EPG5: variants seen among roughly 807,000 people sequenced by gnomAD.
EPG5 encodes the protein ectopic P granules protein 5 homolog.
Under a neutral mutation model 302.7 loss-of-function variants are expected in EPG5, and 159 were observed. The observed-to-expected ratio is 0.53, with a 90% CI of 0.46 to 0.60. The LOEUF (loss-of-function observed/expected upper bound fraction) is 0.60. EPG5 is among the 20% of genes least tolerant of loss of function. The pLI, the probability that EPG5 is intolerant of heterozygous loss-of-function variation, is 0.00. For missense variants in EPG5, 2,896 were observed against 3,092.4 expected (o/e 0.94, Z 1.51); for synonymous variants, 1,158 against 1,136.8 (o/e 1.02, Z -0.37).
At chr18:45,837,611 C>T in the EPG5 span, 2 of 1,509,854 alleles carry the variant, frequency 1.3e-6, no homozygotes, top group Non-Finnish European at 8.8e-7. Context: ...GCACCCGCAC[C>T]GCCACTACGA....
intron 27 of EPG5, among the ~76,000 whole-genome samples, chr18:45,891,723 G>A (rs2145507471): frequency 6.6e-6 from 1 of 152,138 alleles, no homozygotes. Flanking sequence ...ATGCACAAAA[G>A]TGAATATTCT....
chr18:45,883,440 C>T lies in EPG5; in HGVS notation c.5305-953G>A, dbSNP rs535130192. On this transcript the variant is annotated intron_variant, in intron 30 of 43. Transcript: ENST00000282041. ...TTATAGGCTGAGATCAATCTGTAGG[C>T]CCTAAAATTGTCAAGGTTGTCTTTT... Among the ~76,000 whole-genome samples the T allele has an allele frequency of 9.9e-5, 15 of 150,860 alleles. No homozygotes were observed. In the East Asian group the frequency reaches 2.7e-3, roughly 27 times the overall value.
rs2050790943 is a variant in EPG5 at position 45,946,746 on chromosome 18, G to A, written c.1594C>T (p.His532Tyr). Residue 532 changes from histidine to tyrosine, a missense_variant, in exon 7 of 44, where the codon CAC becomes TAC. Physicochemically the swap from His to Tyr is moderately conservative, Grantham distance 83. Around this residue, in one of 5 missense-constraint regions of EPG5, gnomAD observed 1,390 missense variants for 1,430.0 expected, o/e 0.97. Coordinates refer to ENST00000282041, the MANE Select transcript of EPG5 (RefSeq NM_020964.3). ...PVKNRAEFMC[H>Y]MKPSERKPSS... Reference sequence around the variant, plus strand: ...GGCTTCCGCTCGCTGGGCTTCATGTGGCACATAAACTCAGCTCGATTTCTA... The same window carrying A: ...GGCTTCCGCTCGCTGGGCTTCATGTAGCACATAAACTCAGCTCGATTTCTA... The A allele has an allele frequency of 9.9e-6, 16 of 1,613,964 alleles. No homozygotes were observed. The African/African-American group carries it at 1.7e-4, about 18-fold the overall frequency.
chr18:45,806,304 T>C, the EPG5 span, among the ~76,000 whole-genome samples: 130 of 152,102 alleles, frequency 8.5e-4, no homozygotes, highest in African/African-American at 3.1e-3. Context: ...ATGAAAACAG[T>C]GTAAAAGAAT....
chr18:45,927,853 C>G (rs1161667291), intron 13 of EPG5, among the ~76,000 whole-genome samples: 1 of 151,946 alleles, frequency 6.6e-6, no homozygotes, highest in Admixed American at 6.6e-5. Context: ...GTGCTTAGGA[C>G]CCCAACCTAA....
the EPG5 span, among the ~76,000 whole-genome samples, chr18:45,809,758 C>T: frequency 6.6e-6 from 1 of 152,144 alleles, no homozygotes; most frequent in East Asian, 1.9e-4. Flanking sequence ...TAAATGCCCA[C>T]ATCAAAAGGT....
the EPG5 span, among the ~76,000 whole-genome samples, chr18:45,830,647 A>G: frequency 3.2e-5 from 4 of 124,946 alleles, no homozygotes; most frequent in Admixed American, 1.1e-4. Flanking sequence ...GTGCAGTGGC[A>G]CCATCTCAGC....
At chr18:45,903,840 C>T (rs937046927) in intron 25 of EPG5, 133 bp downstream of exon 25, 51 of 907,750 alleles carry the variant, frequency 5.6e-5, no homozygotes, top group Non-Finnish European at 7.5e-5. Context: ...TGTAAGTCAA[C>T]TGAAATCTCT....
At chr18:45,878,955 A>C in intron 33 of EPG5, 58 bp downstream of exon 33, 2 of 1,379,080 alleles carry the variant, frequency 1.5e-6, no homozygotes, top group Non-Finnish European at 2.1e-6. Context: ...GCCTATTTAA[A>C]TCTCTCTTAA....
chr18:45,875,453 G>C (rs892473251), intron 35 of EPG5, among the ~76,000 whole-genome samples: 1 of 152,078 alleles, frequency 6.6e-6, no homozygotes, highest in Non-Finnish European at 1.5e-5. Context: ...AAAAGGATCA[G>C]GGTACATTTG....
intron 27 of EPG5, 126 bp downstream of exon 27, chr18:45,899,278 C>A: frequency 8.7e-7 from 1 of 1,145,168 alleles, no homozygotes; most frequent in Non-Finnish European, 1.2e-6. Context: ...TCATGCCCTG[C>A]AAAACTAGTA....
At chr18:45,845,956 C>G (rs897954417), downstream of EPG5, among the ~76,000 whole-genome samples, 6 of 152,200 alleles carry the variant, frequency 3.9e-5, no homozygotes, top group African/African-American at 2.4e-5. Flanking sequence ...TGAAAGTAGG[C>G]CCTGCCTTGA....
intron 35 of EPG5, among the ~76,000 whole-genome samples, chr18:45,875,526 T>C (rs2048948952): frequency 6.6e-6 from 1 of 152,226 alleles, no homozygotes; most frequent in African/African-American, 2.4e-5. Context: ...ATTCAATTGA[T>C]ATATTTTAAG....
intron 14 of EPG5, 133 bp from the exon 15 acceptor site, chr18:45,923,520 T>A: frequency 2.2e-6 from 2 of 915,282 alleles, no homozygotes; most frequent in Non-Finnish European, 3.2e-6. Flanking sequence ...AAAAATCACA[T>A]CCCACACAGT....
At chr18:45,891,575 C>T (rs1336129355) in intron 27 of EPG5, among the ~76,000 whole-genome samples, 1 of 151,304 alleles carries the variant, frequency 6.6e-6, no homozygotes, top group Non-Finnish European at 1.5e-5. Flanking sequence ...AACCCCAGCA[C>T]AGCATAACTC....
rs927044367 is a variant in EPG5, at chr18:45,925,770, G to C, written c.2686C>G (p.Leu896Val). Reference sequence around the variant, plus strand: ...GCAAATCCCCAATTCAGTCCTTCAAGAATAACACAGGCCAGTTTATTCTTC... The same window carrying C: ...GCAAATCCCCAATTCAGTCCTTCAACAATAACACAGGCCAGTTTATTCTTC... ...VVKNKLACVI[L>V]EGLNWGFAKQ... The change falls in exon 14 of 44, where the codon CTT (leucine) becomes GTT (valine). Residue 896 changes from leucine to valine, a missense_variant. Coordinates refer to ENST00000282041, the MANE Select transcript of EPG5 (RefSeq NM_020964.3). The C allele has an allele frequency of 6.4e-7, 1 of 1,562,714 alleles. No individual in the cohort carries two copies. The highest frequency in any genetic ancestry group is 1.4e-5 in the African/African-American group (1 of 72,166).
At chr18:45,918,793 A>G (rs896144478) in intron 16 of EPG5, among the ~76,000 whole-genome samples, 1 of 152,222 alleles carries the variant, frequency 6.6e-6, no homozygotes, top group African/African-American at 2.4e-5. Flanking sequence ...ACTCATGATC[A>G]TAACTACTAG....
the EPG5 span, among the ~76,000 whole-genome samples, chr18:45,812,435 A>C: frequency 2.0e-5 from 3 of 152,198 alleles, no homozygotes; most frequent in Non-Finnish European, 4.4e-5. Context: ...TTCATATGGA[A>C]CCAAAAAAAG....
intron 27 of EPG5, among the ~76,000 whole-genome samples, chr18:45,893,073 C>A (rs780671881): frequency 1.3e-5 from 2 of 152,170 alleles, no homozygotes; most frequent in Non-Finnish European, 2.9e-5. Context: ...CAGAATCACA[C>A]TGCAAGTATT....
Sources: gnomAD v4.1 joint callset for allele counts (sites outside exome capture counted in the v4.1 genomes callset) on GRCh38, gnomAD v4.1.1 for gene constraint, gnomAD v4.1.1 regional missense constraint, MANE v1.5 for transcripts, NCBI Gene and HGNC (gene_info 2026-07-23, HGNC 2026-07-21) for gene names.